The following PTGFR variants were observed in gnomAD, a reference collection of about 807,000 sequenced individuals.
The protein encoded by PTGFR is prostaglandin F receptor, also known as prostaglandin F2-alpha receptor.
In PTGFR, 15 loss-of-function variants were observed where a neutral mutation model predicts 26.2. The ratio of observed to expected loss-of-function variants is 0.57; its 90% CI spans 0.38 to 0.88. The LOEUF (loss-of-function observed/expected upper bound fraction) is 0.88. PTGFR is among the 40% of genes least tolerant of loss of function. PTGFR has a pLI of 0.00. For synonymous variants in PTGFR, 165 were observed against 151.1 expected (o/e 1.09, Z -0.68); for missense variants, 369 against 427.2 (o/e 0.86, Z 1.20).
intron 2 of PTGFR, among the ~76,000 whole-genome samples, chr1:78,536,034 AATTT>A: frequency 6.6e-6 from 1 of 152,266 alleles, no homozygotes; most frequent in South Asian, 2.1e-4. Context: ...GCTTATCTAT[AATTT>A]ATTTATTTAA....
chr1:78,520,391 C>G (rs1008162700), intron 2 of PTGFR, among the ~76,000 whole-genome samples: 9 of 151,770 alleles, frequency 5.9e-5, no homozygotes, highest in African/African-American at 1.7e-4. Context: ...CCACAGAGAA[C>G]GGGTTTGGCT....
chr1:78,532,101 G>A, intron 2 of PTGFR: 1 of 332,586 alleles, frequency 3.0e-6, no homozygotes, highest in South Asian at 2.2e-5. Flanking sequence ...GCATGTTTTT[G>A]GCATTTGTGA....
chr1:78,491,961 A>G (rs781378249), intron 1 of PTGFR, among the ~76,000 whole-genome samples: 16 of 152,170 alleles, frequency 1.1e-4, no homozygotes, highest in Non-Finnish European at 1.9e-4. Flanking sequence ...CTGTAACTGG[A>G]CAGGATCTTG....
At chr1:78,533,796 T>C (rs1411649619) in intron 2 of PTGFR, among the ~76,000 whole-genome samples, 2 of 152,176 alleles carry the variant, frequency 1.3e-5, no homozygotes, top group Non-Finnish European at 2.9e-5. Flanking sequence ...ACATGGGCTC[T>C]ATTATCTATG....
intron 2 of PTGFR, among the ~76,000 whole-genome samples, chr1:78,525,236 G>C (rs551253): frequency 0.28 from 42,378 of 151,694 alleles, 6,153 homozygotes; most frequent in South Asian, 0.35. Context: ...GAGTCCCCCA[G>C]AAGACTGCCC....
At chr1:78,517,879 T>C (rs1650127518) in intron 2 of PTGFR, among the ~76,000 whole-genome samples, 1 of 152,206 alleles carries the variant, frequency 6.6e-6, no homozygotes, top group South Asian at 2.1e-4. Flanking sequence ...AAGTTTTATT[T>C]CGGAAATTTT....
intron 2 of PTGFR, among the ~76,000 whole-genome samples, chr1:78,527,634 C>A (rs1258564091): frequency 5.3e-5 from 8 of 152,092 alleles, no homozygotes; most frequent in Non-Finnish European, 1.0e-4. Flanking sequence ...ATAACAGTAT[C>A]AGGAACTAGA....
intron 2 of PTGFR, among the ~76,000 whole-genome samples, chr1:78,518,370 A>G (rs762125925): frequency 2.1e-4 from 32 of 151,806 alleles, no homozygotes; most frequent in Non-Finnish European, 3.8e-4. Context: ...TTCTCTTTTT[A>G]TTACTCTTTT....
At chr1:78,527,386 A>T (rs1051333182) in intron 2 of PTGFR, among the ~76,000 whole-genome samples, 7 of 152,232 alleles carry the variant, frequency 4.6e-5, no homozygotes, top group African/African-American at 1.7e-4. Context: ...AAAAGGACTT[A>T]CTGCAATTTT....
At chr1:78,521,707 T>C (rs2100385765) in intron 2 of PTGFR, among the ~76,000 whole-genome samples, 1 of 152,228 alleles carries the variant, frequency 6.6e-6, no homozygotes, top group Admixed American at 6.6e-5. Flanking sequence ...CTTATAGCAT[T>C]GTCAATACTA....
intron 2 of PTGFR, among the ~76,000 whole-genome samples, chr1:78,521,980 C>T (rs972505748): frequency 6.6e-6 from 1 of 152,092 alleles, no homozygotes; most frequent in Non-Finnish European, 1.5e-5. Context: ...GTGCATTCAA[C>T]TGAGTTCTCT....
Position 78,492,769 on chromosome 1 carries a change from T to A in PTGFR, c.26T>A (p.Leu9Gln). 6.2e-7 allele frequency: 1 copy of A among 1,613,834 alleles called. No individual in the cohort carries two copies. The highest frequency in any genetic ancestry group is 8.5e-7 in the Non-Finnish European group (1 of 1,179,854). The change falls in exon 2 of 3, where the codon CTA becomes CAA. Residue 9 changes from leucine (L) to glutamine (Q), a missense_variant. Leu to Gln is a moderately radical substitution (Grantham distance 113). Coordinates refer to ENST00000370757, the MANE Select transcript of PTGFR (RefSeq NM_000959.4). Reference protein sequence around the residue: MSMNNSKQLVSPAAALLSN... With the variant: MSMNNSKQQVSPAAALLSN... ...ATGTCCATGAACAATTCCAAACAGCTAGTGTCTCCTGCAGCTGCGCTTCTT... is the reference window on the plus strand; with the variant it reads ...ATGTCCATGAACAATTCCAAACAGCAAGTGTCTCCTGCAGCTGCGCTTCTT...
At chr1:78,513,014 G>A (rs141816697) in intron 2 of PTGFR, among the ~76,000 whole-genome samples, 3 of 152,256 alleles carry the variant, frequency 2.0e-5, no homozygotes, top group Admixed American at 2.0e-4. Flanking sequence ...TGTTCAGCCT[G>A]TAGAACCTTG....
At chr1:78,514,025 G>A (rs1650033672) in intron 2 of PTGFR, among the ~76,000 whole-genome samples, 1 of 152,250 alleles carries the variant, frequency 6.6e-6, no homozygotes, top group Non-Finnish European at 1.5e-5. Context: ...TCAGGCAGAA[G>A]CCTGCTGCAG....
At chr1:78,511,789 G>T (rs6690555) in intron 2 of PTGFR, among the ~76,000 whole-genome samples, 12,464 of 152,130 alleles carry the variant, frequency 0.082, 856 homozygotes, top group African/African-American at 0.19. Flanking sequence ...TTTATCCTCT[G>T]CTTCCCTTTT....
intron 2 of PTGFR, among the ~76,000 whole-genome samples, chr1:78,494,068 G>C (rs1171004029): frequency 6.6e-6 from 1 of 152,198 alleles, no homozygotes; most frequent in Non-Finnish European, 1.5e-5. Flanking sequence ...CACTAACTCA[G>C]GAACAATGCC....
chr1:78,497,863 C>G, intron 2 of PTGFR: 1 of 1,556,642 alleles, frequency 6.4e-7, no homozygotes, highest in Non-Finnish European at 8.8e-7. Context: ...TTTGTTTTAC[C>G]TTCTCTTCAG....
At chr1:78,524,101 A>C (rs1650310831) in intron 2 of PTGFR, among the ~76,000 whole-genome samples, 1 of 152,050 alleles carries the variant, frequency 6.6e-6, no homozygotes, top group Admixed American at 6.6e-5. Flanking sequence ...TGGAGTCGCT[A>C]CTATTGAGTA....
In PTGFR at chr1:78,520,245, C is replaced by T. The variant is rs186105362; in HGVS notation, c.799-16161C>T. Among the ~76,000 whole-genome samples the T allele has an allele frequency of 6.0e-4, 91 of 152,084 alleles. 1 individual carries two copies. Among genetic ancestry groups the T allele is most frequent in the Middle Eastern group, 3.4e-3 (1 of 294 alleles). ...CATCTTCTTTATGAAACAATTTACT[C>T]GAATACAAATATATACTTGTTGATC... On this transcript the variant is annotated intron_variant, in intron 2 of 2. Transcript: ENST00000370757.
Sources: gnomAD v4.1 joint callset for allele counts (sites outside exome capture counted in the v4.1 genomes callset) on GRCh38, gnomAD v4.1.1 for gene constraint, MANE v1.5 for transcripts, NCBI Gene and HGNC (gene_info 2026-07-23, HGNC 2026-07-21) for gene names.